Variants in VPS13D observed in about 807,000 individuals in gnomAD.
VPS13D encodes vacuolar protein sorting 13 homolog D.
Under a neutral mutation model 461.9 loss-of-function variants are expected in VPS13D, and 187 were observed. That is an observed-to-expected ratio of 0.40 (90% CI 0.36 to 0.46). The LOEUF is 0.46. VPS13D is among the 20% of genes least tolerant of loss of function. The pLI, the probability that VPS13D is intolerant of heterozygous loss-of-function variation, is 0.60. For missense variants in VPS13D, 4,711 were observed against 5,364.9 expected (o/e 0.88, Z 3.81); for synonymous variants, 1,951 against 1,986.3 (o/e 0.98, Z 0.47).
intron 22 of VPS13D, among the ~76,000 whole-genome samples, chr1:12,289,372 C>G (rs1350050129): frequency 6.6e-6 from 1 of 152,020 alleles, no homozygotes; most frequent in African/African-American, 2.4e-5. Flanking sequence ...CGTGAGCCAC[C>G]GTACCCAGCC....
intron 65 of VPS13D, among the ~76,000 whole-genome samples, chr1:12,450,079 C>T (rs1017453285): frequency 2.6e-5 from 4 of 152,072 alleles, no homozygotes; most frequent in African/African-American, 7.2e-5. Flanking sequence ...GCTGTGATCG[C>T]ACCACTGCAC....
intron 60 of VPS13D, among the ~76,000 whole-genome samples, chr1:12,399,496 G>GT (rs1644545385): frequency 6.6e-6 from 1 of 151,942 alleles, no homozygotes; most frequent in Non-Finnish European, 1.5e-5. Flanking sequence ...CGCCTGGCCA[G>GT]TAGTTGATTT....
intron 67 of VPS13D, among the ~76,000 whole-genome samples, chr1:12,494,533 T>C (rs146513414): frequency 1.7e-3 from 252 of 152,288 alleles, no homozygotes; most frequent in African/African-American, 5.8e-3. Context: ...TTTTAAGAGC[T>C]CGGGTCCAGA....
chr1:12,380,157 T>C (rs1415726521), intron 57 of VPS13D, among the ~76,000 whole-genome samples: 4 of 152,220 alleles, frequency 2.6e-5, no homozygotes, highest in African/African-American at 9.7e-5. Flanking sequence ...TGATAAGATA[T>C]GTTTTTCATG....
chr1:12,327,369 T>G (rs1232366263), intron 35 of VPS13D, among the ~76,000 whole-genome samples: 1 of 152,206 alleles, frequency 6.6e-6, no homozygotes, highest in Non-Finnish European at 1.5e-5. Flanking sequence ...TGGAGGCATT[T>G]TGGGCCAGAT....
rs530914195 is a variant in VPS13D, at chr1:12,473,139, C to T, written c.12662+12743C>T. Among the ~76,000 whole-genome samples, 42 of 152,234 alleles carry T rather than the reference C, an allele frequency of 2.8e-4. No homozygotes were observed. Among genetic ancestry groups the T allele is most frequent in the Non-Finnish European group, 5.1e-4 (35 of 68,020 alleles). ...TTCAGAGGGGCCAGCAGCTGGGGAGCGACTGTACTTAGATCCTGGGTGCTG... is the reference window on the plus strand; with the variant it reads ...TTCAGAGGGGCCAGCAGCTGGGGAGTGACTGTACTTAGATCCTGGGTGCTG... On this transcript the variant is annotated intron_variant, in intron 67 of 69. Coordinates refer to ENST00000620676, the MANE Select transcript of VPS13D (RefSeq NM_015378.4). The surrounding 1 kb of genome is among the most constrained non-coding windows in gnomAD (Gnocchi z 4.2).
At chr1:12,474,692 A>G (rs1338410308) in intron 67 of VPS13D, among the ~76,000 whole-genome samples, 1 of 152,206 alleles carries the variant, frequency 6.6e-6, no homozygotes, top group Non-Finnish European at 1.5e-5. Flanking sequence ...TTTCTAGATT[A>G]TAAATGTTCC....
chr1:12,270,077 G>T (rs1641392571), intron 16 of VPS13D, among the ~76,000 whole-genome samples: 1 of 151,740 alleles, frequency 6.6e-6, no homozygotes, highest in Non-Finnish European at 1.5e-5. Context: ...ATTGCTTGAG[G>T]CTGGGAGTTC....
intron 68 of VPS13D, among the ~76,000 whole-genome samples, chr1:12,506,228 T>C (rs1646103979): frequency 6.6e-6 from 1 of 152,214 alleles, no homozygotes. Context: ...GTGAGCTCCA[T>C]GATAGAGGAA....
chr1:12,248,387 G>C (rs1160906964), intron 5 of VPS13D, among the ~76,000 whole-genome samples: 1 of 151,280 alleles, frequency 6.6e-6, no homozygotes, highest in African/African-American at 2.4e-5. Context: ...CCGTTGCCTA[G>C]GCTGGAGTGC....
At position 12,356,031 on chromosome 1, in the gene VPS13D, G is replaced by T; in HGVS notation, c.9812G>T (p.Arg3271Leu). The change falls in exon 48 of 70, where the codon CGA becomes CTA. Residue 3271 changes from arginine (R) to leucine (L), a missense_variant. Physicochemically the swap from Arg to Leu is moderately radical, Grantham distance 102. Around this residue, in one of 3 missense-constraint regions of VPS13D, gnomAD observed 4,411 missense variants for 4,937.8 expected, o/e 0.89. Coordinates refer to ENST00000620676, the MANE Select transcript of VPS13D (RefSeq NM_015378.4). ...QLNLTIRIVC[R>L]AEGSLKIFIS... ...AACCTCACCATCCGGATTGTGTGTC[G>T]AGCAGAAGGATCCTTAAAGATCTTC... 2 of 1,613,942 alleles carry T rather than the reference G, an allele frequency of 1.2e-6. No homozygotes were observed. Among genetic ancestry groups the T allele is most frequent in the Admixed American group, 1.7e-5 (1 of 60,012 alleles).
chr1:12,479,251 A>T (rs1011711361), intron 67 of VPS13D, among the ~76,000 whole-genome samples: 1 of 152,250 alleles, frequency 6.6e-6, no homozygotes, highest in Non-Finnish European at 1.5e-5. Flanking sequence ...TTCAAAGGAC[A>T]AAAGGAAGAA....
At chr1:12,257,134 C>G in intron 9 of VPS13D, 47 bp downstream of exon 9, 1 of 1,527,876 alleles carries the variant, frequency 6.5e-7, no homozygotes, top group Non-Finnish European at 9.1e-7. Context: ...AGAGCCTGTT[C>G]TTGCTATGTA....
chr1:12,400,954 G>GCA (rs1644567765), intron 61 of VPS13D, among the ~76,000 whole-genome samples: 2 of 79,716 alleles, frequency 2.5e-5, no homozygotes, highest in Admixed American at 1.4e-4. Flanking sequence ...ATGTGCACCT[G>GCA]CGCGCGCGCA....
intron 43 of VPS13D, 136 bp downstream of exon 43, chr1:12,345,645 AGGC>A: frequency 8.2e-7 from 1 of 1,222,672 alleles, no homozygotes; most frequent in Non-Finnish European, 1.1e-6. Context: ...GGTCAGTCAT[AGGC>A]ATTGGTAATC....
chr1:12,407,870 G>A (rs931074933), intron 63 of VPS13D, among the ~76,000 whole-genome samples: 1 of 152,046 alleles, frequency 6.6e-6, no homozygotes, highest in African/African-American at 2.4e-5. Flanking sequence ...CAAGGACAAA[G>A]TTGGGGTATA....
rs887891200 is a variant in VPS13D at position 12,421,306 on chromosome 1, C to T, written c.12333+4479C>T. Among the ~76,000 whole-genome samples, 30 of 152,306 alleles carry T rather than the reference C, an allele frequency of 2.0e-4. 1 individual carries two copies. In the Middle Eastern group the frequency reaches 0.01, roughly 52 times the overall value. Reference sequence around the variant, plus strand: ...TCCCATTCCTGAGGTCATGGCAAGGCAATCGCTTCTGGAAGGTCTTCTCTG... The same window carrying T: ...TCCCATTCCTGAGGTCATGGCAAGGTAATCGCTTCTGGAAGGTCTTCTCTG... On this transcript the variant is annotated intron_variant, in intron 65 of 69. Coordinates refer to ENST00000620676, the MANE Select transcript of VPS13D (RefSeq NM_015378.4).
intron 60 of VPS13D, among the ~76,000 whole-genome samples, chr1:12,390,223 T>C (rs1181600526): frequency 2.0e-5 from 3 of 152,190 alleles, no homozygotes; most frequent in African/African-American, 7.2e-5. Flanking sequence ...CACCCATTGA[T>C]TCCTGGACCT....
intron 60 of VPS13D, among the ~76,000 whole-genome samples, chr1:12,395,996 G>GATAT (rs58476786): frequency 0.12 from 8,619 of 73,470 alleles, 663 homozygotes; most frequent in Middle Eastern, 0.18. Flanking sequence ...ACTAATAGGA[G>GATAT]ATATATATAT....
Sources: gnomAD v4.1 joint callset for allele counts (sites outside exome capture counted in the v4.1 genomes callset) on GRCh38, gnomAD v4.1.1 for gene constraint, gnomAD v4.1.1 regional missense constraint, Gnocchi (gnomAD v3.1) non-coding constraint, MANE v1.5 for transcripts, NCBI Gene and HGNC (gene_info 2026-07-23, HGNC 2026-07-21) for gene names.